PTPRD: variants seen among roughly 807,000 people sequenced by gnomAD.
PTPRD encodes the protein receptor-type tyrosine-protein phosphatase delta.
In PTPRD, 34 loss-of-function variants were observed where a neutral mutation model predicts 214.5. The ratio of observed to expected loss-of-function variants is 0.16; its 90% CI spans 0.12 to 0.21. PTPRD has a LOEUF of 0.21. PTPRD is among the 10% of genes least tolerant of loss of function. PTPRD has a pLI of 1.00. For synonymous variants in PTPRD, 1,128 were observed against 845.7 expected (o/e 1.33, Z -5.79); for missense variants, 2,545 against 2,398.7 (o/e 1.06, Z -1.27).
intron 7 of PTPRD, among the ~76,000 whole-genome samples, chr9:9,721,243 C>G (rs1340991198): frequency 6.6e-6 from 1 of 152,054 alleles, no homozygotes. Context: ...CAGATTTTAT[C>G]ATTAAATTTA....
intron 8 of PTPRD, among the ~76,000 whole-genome samples, chr9:9,462,771 G>T (rs1273253529): frequency 6.6e-6 from 1 of 152,086 alleles, no homozygotes; most frequent in Non-Finnish European, 1.5e-5. Context: ...AGTATAGCAG[G>T]TGACATGGCA....
intron 30 of PTPRD, among the ~76,000 whole-genome samples, chr9:8,476,057 C>A (rs996782448): frequency 6.6e-6 from 1 of 152,140 alleles, no homozygotes; most frequent in Non-Finnish European, 1.5e-5. Context: ...CTGACTGTGC[C>A]CTCTCAGCTA....
intron 3 of PTPRD, among the ~76,000 whole-genome samples, chr9:10,221,608 T>C (rs1229035790): frequency 1.3e-5 from 2 of 152,048 alleles, no homozygotes. Context: ...AAAATAATAC[T>C]ACATACAATG....
chr9:9,113,464 A>C (rs1471691963), intron 10 of PTPRD, among the ~76,000 whole-genome samples: 2 of 152,146 alleles, frequency 1.3e-5, no homozygotes, highest in African/African-American at 4.8e-5. Flanking sequence ...GAGTTAGGCC[A>C]GAAAACTAGG....
chr9:10,291,065 T>C (rs1356042312), intron 3 of PTPRD, among the ~76,000 whole-genome samples: 1 of 151,814 alleles, frequency 6.6e-6, no homozygotes, highest in African/African-American at 2.4e-5. Context: ...GGTAATTTCT[T>C]TAAGAATGAG....
At chr9:9,017,158 A>G (rs996242032) in intron 11 of PTPRD, among the ~76,000 whole-genome samples, 2 of 152,136 alleles carry the variant, frequency 1.3e-5, no homozygotes, top group African/African-American at 2.4e-5. Context: ...ATTAATACAT[A>G]ATAGCCACCC....
chr9:9,156,578 G>A (rs1389185179), intron 10 of PTPRD, among the ~76,000 whole-genome samples: 2 of 152,082 alleles, frequency 1.3e-5, no homozygotes, highest in East Asian at 3.8e-4. Context: ...AATACCAAGA[G>A]ATTATGTATA....
At chr9:9,291,488 T>G (rs185284169) in intron 9 of PTPRD, among the ~76,000 whole-genome samples, 227 of 151,536 alleles carry the variant, frequency 1.5e-3, no homozygotes, top group African/African-American at 5.2e-3. Flanking sequence ...TATTAGAGAT[T>G]TTGATTAGAT....
chr9:10,379,759 A>C (rs1470465936), intron 2 of PTPRD, among the ~76,000 whole-genome samples: 1 of 152,086 alleles, frequency 6.6e-6, no homozygotes, highest in Non-Finnish European at 1.5e-5. Context: ...TATGATCAAA[A>C]ATATTAGAGA....
intron 6 of PTPRD, among the ~76,000 whole-genome samples, chr9:9,762,948 T>C (rs1174580): frequency 0.13 from 19,968 of 152,152 alleles, 2,323 homozygotes; most frequent in African/African-American, 0.31. Flanking sequence ...CAAGGTAGAT[T>C]TTATTCTGAA....
At chr9:8,611,634 G>A (rs897890281) in intron 14 of PTPRD, among the ~76,000 whole-genome samples, 13 of 151,844 alleles carry the variant, frequency 8.6e-5, no homozygotes, top group Admixed American at 2.0e-4. Flanking sequence ...GAGCCTGGAA[G>A]GTCTGGGCTG....
chr9:8,681,467 TA>T (rs2097548234), intron 12 of PTPRD, among the ~76,000 whole-genome samples: 1 of 152,200 alleles, frequency 6.6e-6, no homozygotes, highest in South Asian at 2.1e-4. Context: ...GAACTTGAGA[TA>T]ATTCTGTTAT....
intron 4 of PTPRD, among the ~76,000 whole-genome samples, chr9:9,995,474 C>T (rs993532102): frequency 2.6e-5 from 4 of 152,182 alleles, no homozygotes; most frequent in African/African-American, 4.8e-5. Flanking sequence ...ATCTCCCTCA[C>T]GGACATATGT....
chr9:9,511,838 A>T (rs1478517254), intron 8 of PTPRD, among the ~76,000 whole-genome samples: 1 of 151,788 alleles, frequency 6.6e-6, no homozygotes, highest in East Asian at 1.9e-4. Context: ...ATTTTGCAAA[A>T]AGCCAAAGTT....
intron 11 of PTPRD, among the ~76,000 whole-genome samples, chr9:8,820,082 T>A (rs1212134541): frequency 6.6e-6 from 1 of 152,194 alleles, no homozygotes; most frequent in African/African-American, 2.4e-5. Context: ...GAGAAAAAGA[T>A]ATAAATCAGA....
At chr9:9,852,750 A>G (rs1173850858) in intron 5 of PTPRD, among the ~76,000 whole-genome samples, 1 of 152,180 alleles carries the variant, frequency 6.6e-6, no homozygotes, top group Non-Finnish European at 1.5e-5. Context: ...CAGAGGCAAG[A>G]TTTCATTTAT....
At chr9:9,864,868 C>T (rs1301171276) in intron 5 of PTPRD, among the ~76,000 whole-genome samples, 1 of 152,044 alleles carries the variant, frequency 6.6e-6, no homozygotes, top group Non-Finnish European at 1.5e-5. Context: ...AAATTTATTA[C>T]ACATTTTATA....
intron 36 of PTPRD, among the ~76,000 whole-genome samples, chr9:8,400,066 T>G (rs781486049): frequency 1.3e-5 from 2 of 152,176 alleles, no homozygotes; most frequent in Non-Finnish European, 2.9e-5. Context: ...AATTTTAATT[T>G]TGCTTTATAT....
intron 12 of PTPRD, among the ~76,000 whole-genome samples, chr9:8,676,377 CAT>C (rs2097417965): frequency 7.4e-6 from 1 of 134,304 alleles, no homozygotes; most frequent in Non-Finnish European, 1.6e-5. Flanking sequence ...AGCTCATTTT[CAT>C]TTTTTTTTTT....
Sources: gnomAD v4.1 joint callset for allele counts (sites outside exome capture counted in the v4.1 genomes callset) on GRCh38, gnomAD v4.1.1 for gene constraint, MANE v1.5 for transcripts, NCBI Gene and HGNC (gene_info 2026-07-23, HGNC 2026-07-21) for gene names.